FAT2: variants seen among roughly 807,000 people sequenced by gnomAD.
FAT2 encodes protocadherin Fat 2.
FAT2 carries 150 observed loss-of-function variants against 295.3 expected under a neutral mutation model. That is an observed-to-expected ratio of 0.51 (90% CI 0.44 to 0.58). FAT2 has a LOEUF of 0.58. Ranked by LOEUF, FAT2 falls within the 20% of genes least tolerant of loss-of-function variation. The probability of loss-of-function intolerance (pLI) is 0.00; values close to 1 mark genes in which losing one functional copy is unlikely to be tolerated. For missense variants in FAT2, 4,868 were observed against 5,442.7 expected, an observed-to-expected ratio of 0.89 and a Z score of 3.32; for synonymous variants, 2,026 against 2,150.3, an observed-to-expected ratio of 0.94 and a Z score of 1.60.
At chr5:151,510,301 G>A in intron 21 of FAT2, 127 bp from the exon 22 acceptor site, 2 of 1,126,028 alleles carry the variant, frequency 1.8e-6, no homozygotes, top group South Asian at 2.9e-5. Context: ...GCTCCCCTCT[G>A]TGCCCAATAC....
At chr5:151,559,731 C>T (rs1260660981) in intron 3 of FAT2, among the ~76,000 whole-genome samples, 3 of 152,066 alleles carry the variant, frequency 2.0e-5, no homozygotes, top group Admixed American at 6.6e-5. Flanking sequence ...TCACCACTGC[C>T]TCCCCTGACC....
intron 12 of FAT2, among the ~76,000 whole-genome samples, chr5:151,536,760 C>A (rs1755347389): frequency 6.6e-6 from 1 of 152,176 alleles, no homozygotes; most frequent in Admixed American, 6.5e-5. Context: ...GAGGTGTTAT[C>A]CCTGGTTTGC....
rs148388493 is a variant in FAT2 at position 151,519,897 on chromosome 5, C to CCT, written c.11317+1377_11317+1378dup. On this transcript the variant is annotated intron_variant, in intron 19 of 23. Transcript: ENST00000261800. The stretch of plus-strand genomic sequence containing the variant: ...TCACTCAGAACCTTCTAAATTAAAA[C>CCT]CTCTGGAGGTGACACCCAGGAGCAT... Among the ~76,000 whole-genome samples the CCT allele has an allele frequency of 4.9e-3, 740 of 152,266 alleles. 13 individuals are homozygous for CCT. Among genetic ancestry groups the CCT allele is most frequent in the African/African-American group, 0.017 (715 of 41,550 alleles).
At chr5:151,510,885 C>CA (rs970675084) in intron 21 of FAT2, 6 of 152,302 alleles carry the variant, frequency 3.9e-5, no homozygotes, top group Non-Finnish European at 7.3e-5. Flanking sequence ...GGAACTCAAA[C>CA]CACACCAGGG....
chr5:151,512,510 AGTGCCACTC>A lies in FAT2; in HGVS notation c.11551_11559del (p.Glu3851_His3853del). On this transcript the variant is annotated inframe_deletion, in exon 21 of 24. Coordinates refer to ENST00000261800, the MANE Select transcript of FAT2 (RefSeq NM_001447.3). The surrounding 1 kb of genome is among the most constrained non-coding windows in gnomAD (Gnocchi z 4.1). Reference sequence around the variant, plus strand: ...GCGTCCATCTCCTCCACCAGGATGGAGTGCCACTCGTGGTCATTCACATGGCGCTGGGAG... The same window carrying A: ...GCGTCCATCTCCTCCACCAGGATGGAGTGGTCATTCACATGGCGCTGGGAG... 1.6e-5 allele frequency: 26 copies of A among 1,614,168 alleles called. No individual in the cohort carries two copies. The highest frequency in any genetic ancestry group is 2.1e-5 in the Non-Finnish European group (25 of 1,180,014).
chr5:151,505,657 C>T lies in FAT2; in HGVS notation c.12958G>A (p.Ala4320Thr), dbSNP rs538297256. 1.6e-5 allele frequency: 26 copies of T among 1,614,132 alleles called. No homozygotes were observed. In the East Asian group the frequency reaches 4.0e-4, roughly 25 times the overall value. The change falls in exon 24 of 24, where the codon GCA becomes ACA. Residue 4320 changes from alanine to threonine, a missense_variant. This residue lies in a region of FAT2 where 492 missense variants were observed against 482.6 expected (regional missense o/e 1.02). Transcript: ENST00000261800. Reference protein sequence around the residue: ...AVCEVEGAPLAGQGQPRVPPN... With the variant: ...AVCEVEGAPLTGQGQPRVPPN... ...GGCACCCGGGGCTGGCCCTGGCCTG[C>T]AAGAGGTGCCCCCTCCACCTCACAG... is the stretch of plus-strand genomic sequence containing the variant.
intron 14 of FAT2, among the ~76,000 whole-genome samples, chr5:151,530,832 A>G (rs1414170012): frequency 6.6e-6 from 1 of 152,214 alleles, no homozygotes; most frequent in Non-Finnish European, 1.5e-5. Flanking sequence ...GTCTCTGCAG[A>G]TGATTACTGA....
Position 151,505,579 on chromosome 5 carries a change from C to G in FAT2, c.13036G>C (p.Glu4346Gln). The change falls in exon 24 of 24, where the codon GAG becomes CAG. Residue 4346 changes from glutamate to glutamine, a missense_variant. This residue lies in a region of FAT2 where 492 missense variants were observed against 482.6 expected (regional missense o/e 1.02). Coordinates refer to ENST00000261800, the MANE Select transcript of FAT2 (RefSeq NM_001447.3). ...MVESDYGSCE[E>Q]VMF is the part of the protein sequence containing the mutation. Reference sequence around the variant, plus strand: ...GGAATGGGAAGCTAGAACATGACCTCCTCACAGCTGCCATAATCACTCTCC... The same window carrying G: ...GGAATGGGAAGCTAGAACATGACCTGCTCACAGCTGCCATAATCACTCTCC... 1 of 1,614,138 alleles carries G rather than the reference C, an allele frequency of 6.2e-7. No individual in the cohort carries two copies. Among genetic ancestry groups the G allele is most frequent in the Non-Finnish European group, 8.5e-7 (1 of 1,180,014 alleles).
At chr5:151,510,771 G>A (rs1003622426) in intron 21 of FAT2, 2 of 152,330 alleles carry the variant, frequency 1.3e-5, no homozygotes, top group Non-Finnish European at 2.9e-5. Flanking sequence ...TCTGAAGGAT[G>A]AGTAGAAATT....
chr5:151,507,591 C>T lies in FAT2; in HGVS notation c.12080G>A (p.Gly4027Asp), dbSNP rs772761270. 1.9e-6 allele frequency: 3 copies of T among 1,605,478 alleles called. No homozygotes were observed. Among genetic ancestry groups the T allele is most frequent in the Admixed American group, 1.7e-5 (1 of 58,996 alleles). Reference sequence around the variant, plus strand: ...GACTAGGCAGTGTCCTTCTGAACAACCCCTCGCCTCCATTTCACACCTGCG... The same window carrying T: ...GACTAGGCAGTGTCCTTCTGAACAATCCCTCGCCTCCATTTCACACCTGCG... Reference protein sequence around the residue: ...TGDRCEMEARGCSEGHCLVTP... With the variant: ...TGDRCEMEARDCSEGHCLVTP... Residue 4027 changes from glycine to aspartate, a missense_variant, in exon 23 of 24, where the codon GGT becomes GAT. Coordinates refer to ENST00000261800, the MANE Select transcript of FAT2 (RefSeq NM_001447.3).
intron 22 of FAT2, 94 bp from the exon 23 acceptor site, chr5:151,507,705 C>G (rs964006707): frequency 8.7e-7 from 1 of 1,150,964 alleles, no homozygotes; most frequent in Non-Finnish European, 1.2e-6. Flanking sequence ...CTGCTCCCCC[C>G]AAAACCTACC....
chr5:151,560,111 T>G (rs1011372148), intron 3 of FAT2, among the ~76,000 whole-genome samples: 17 of 152,306 alleles, frequency 1.1e-4, no homozygotes, highest in African/African-American at 3.8e-4. Context: ...CTTTAACTCC[T>G]CTTACCCTGA....
At chr5:151,548,555 A>G (rs968396173) in intron 9 of FAT2, among the ~76,000 whole-genome samples, 5 of 152,134 alleles carry the variant, frequency 3.3e-5, no homozygotes, top group Non-Finnish European at 4.4e-5. Context: ...ATCTCAGCTC[A>G]CTGCAACCTC....
chr5:151,510,156 G>T lies in FAT2; in HGVS notation c.11924C>A (p.Pro3975His), dbSNP rs764156555. ...ACAGTGCTTCCCAGAGAACTGTGGG[G>T]GACATTTGCAGACATAGCCTAGGAG... is the stretch of plus-strand genomic sequence containing the variant. ...THGAGYVCKC[P>H]PQFSGKHCEQ... Residue 3975 changes from proline to histidine, a missense_variant, in exon 22 of 24, where the codon CCC becomes CAC. Physicochemically the swap from Pro to His is moderately conservative, Grantham distance 77. Transcript: ENST00000261800. The T allele has an allele frequency of 6.2e-7, 1 of 1,614,088 alleles. No individual in the cohort carries two copies. The highest frequency in any genetic ancestry group is 1.3e-5 in the African/African-American group (1 of 75,026).
upstream of FAT2, among the ~76,000 whole-genome samples, chr5:151,593,846 A>T (rs913865128): frequency 2.6e-5 from 4 of 152,040 alleles, no homozygotes; most frequent in African/African-American, 9.7e-5. Context: ...TACTAAAAGC[A>T]TAGAAAATTA....
intron 10 of FAT2, among the ~76,000 whole-genome samples, chr5:151,541,523 G>C (rs1756141827): frequency 6.6e-6 from 1 of 152,126 alleles, no homozygotes; most frequent in South Asian, 2.1e-4. Context: ...CTTTTCACTG[G>C]ACAGCTGTGA....
At position 151,506,026 on chromosome 5, in the gene FAT2, C is replaced by T. The variant is rs765277888; in HGVS notation, c.12589G>A (p.Glu4197Lys). 2.5e-5 allele frequency: 39 copies of T among 1,571,576 alleles called. No individual in the cohort carries two copies. The highest frequency in any genetic ancestry group is 1.7e-4 in the Middle Eastern group (1 of 5,866). The change falls in exon 24 of 24, where the codon GAA becomes AAA. Residue 4197 changes from glutamate to lysine, a missense_variant. By Grantham distance (56) the Glu-to-Lys change is moderately conservative. Coordinates refer to ENST00000261800, the MANE Select transcript of FAT2 (RefSeq NM_001447.3). ...RNERWEYPHS[E>K]VTQGPLPPSA... Reference sequence around the variant, plus strand: ...GGCGGCAGAGGGCCCTGAGTCACTTCGGAGTGGGGGTATTCCCAGCGTTCG... The same window carrying T: ...GGCGGCAGAGGGCCCTGAGTCACTTTGGAGTGGGGGTATTCCCAGCGTTCG...
Position 151,568,357 on chromosome 5 carries a change from T to C in FAT2, c.575A>G (p.Glu192Gly). The C allele has an allele frequency of 6.2e-7, 1 of 1,614,204 alleles. No individual in the cohort carries two copies. The highest frequency in any genetic ancestry group is 8.5e-7 in the Non-Finnish European group (1 of 1,180,028). The change falls in exon 2 of 24, where the codon GAG (glutamate) becomes GGG (glycine). Residue 192 changes from glutamate to glycine, a missense_variant. Around this residue, in one of 5 missense-constraint regions of FAT2, gnomAD observed 3,297 missense variants for 3,669.4 expected, o/e 0.90. Transcript: ENST00000261800. ...EFYYAFNTRS[E>G]MFAIHPTSGV... is the part of the protein sequence containing the mutation. ...GCTGGTGGGATGGATGGCAAACATCTCTGACCTTGTGTTAAAGGCATAATA... is the reference window on the plus strand; with the variant it reads ...GCTGGTGGGATGGATGGCAAACATCCCTGACCTTGTGTTAAAGGCATAATA...
At chr5:151,549,897 G>C (rs917721725) in intron 8 of FAT2, among the ~76,000 whole-genome samples, 1 of 152,180 alleles carries the variant, frequency 6.6e-6, no homozygotes, top group African/African-American at 2.4e-5. Flanking sequence ...TTTCTTTGTT[G>C]CAGGACTTCT....
Sources: allele counts gnomAD v4.1 joint callset (sites outside exome capture counted in the v4.1 genomes callset), GRCh38; gene constraint gnomAD v4.1.1; regional missense constraint gnomAD v4.1.1; non-coding constraint Gnocchi (gnomAD v3.1); transcripts MANE v1.5; gene names NCBI Gene and HGNC (gene_info 2026-07-23, HGNC 2026-07-21).